The following OTUD7A variants were observed in gnomAD, a reference collection of about 807,000 sequenced individuals.
The protein encoded by OTUD7A is OTU domain-containing protein 7A.
A neutral mutation model predicts 65.7 loss-of-function variants in OTUD7A; 12 were observed. That is an observed-to-expected ratio of 0.18 (90% CI 0.12 to 0.30). The LOEUF is 0.30. Ranked by LOEUF, OTUD7A falls within the 10% of genes least tolerant of loss-of-function variation. OTUD7A has a pLI of 1.00. For synonymous variants in OTUD7A, 641 were observed against 586.3 expected, an observed-to-expected ratio of 1.09 and a Z score of -1.35; for missense variants, 1,148 against 1,304.8, an observed-to-expected ratio of 0.88 and a Z score of 1.85.
chr15:31,664,063 C>T (rs1566966325), intron 1 of OTUD7A, among the ~76,000 whole-genome samples: 2 of 152,100 alleles, frequency 1.3e-5, no homozygotes, highest in South Asian at 4.1e-4. Flanking sequence ...TTTCTTTATC[C>T]ACTCATTGAT....
intron 1 of OTUD7A, among the ~76,000 whole-genome samples, chr15:31,798,357 CAA>C (rs1369139120): frequency 6.6e-6 from 1 of 152,150 alleles, no homozygotes; most frequent in African/African-American, 2.4e-5. Context: ...ATCTTTCACT[CAA>C]GTGTTTGTGG....
Position 31,503,708 on chromosome 15 carries a change from C to T in OTUD7A, c.1004G>A (p.Arg335Lys), listed in dbSNP as rs749306226. The change falls in exon 9 of 13, where the codon AGA (arginine) becomes AAA (lysine). Residue 335 changes from arginine to lysine, a missense_variant. By Grantham distance (26) the Arg-to-Lys change is conservative. This residue lies in a region of OTUD7A where 58 missense variants were observed against 131.4 expected (regional missense o/e 0.44). Transcript: ENST00000307050. Reference sequence around the variant, plus strand: ...GAACTTACCTTCTCCACCTGAGTCTCTTAACATTGTATCTGCCACAACAAC... The same window carrying T: ...GAACTTACCTTCTCCACCTGAGTCTTTTAACATTGTATCTGCCACAACAAC... Reference protein sequence around the residue: ...PIVVVADTMLRDSGGEAFAPI... With the variant: ...PIVVVADTMLKDSGGEAFAPI... The T allele has an allele frequency of 1.2e-6, 2 of 1,614,200 alleles. No homozygotes were observed. Among genetic ancestry groups the T allele is most frequent in the Non-Finnish European group, 1.7e-6 (2 of 1,180,030 alleles).
chr15:31,489,494 C>T (rs1255527232), intron 10 of OTUD7A, among the ~76,000 whole-genome samples: 7 of 152,136 alleles, frequency 4.6e-5, no homozygotes, highest in Non-Finnish European at 1.0e-4. Context: ...GTCTTAGCCA[C>T]CCCGGCCCCA....
At chr15:31,765,925 T>C in intron 1 of OTUD7A, 3 of 1,298,394 alleles carry the variant, frequency 2.3e-6, no homozygotes, top group South Asian at 2.4e-5. Context: ...GGTAAAGTCC[T>C]GTTTTTAACA....
intron 3 of OTUD7A, among the ~76,000 whole-genome samples, chr15:31,628,940 T>C (rs1891051629): frequency 6.6e-6 from 1 of 152,234 alleles, no homozygotes; most frequent in Non-Finnish European, 1.5e-5. Context: ...ACACATTGAT[T>C]TTGTATCCTG....
intron 3 of OTUD7A, among the ~76,000 whole-genome samples, chr15:31,572,941 G>A (rs28413613): frequency 0.33 from 49,287 of 151,044 alleles, 10,394 homozygotes; most frequent in African/African-American, 0.61. Flanking sequence ...TAAAAAACCT[G>A]AAATAATGGA....
intron 1 of OTUD7A, among the ~76,000 whole-genome samples, chr15:31,807,375 G>A (rs1896298802): frequency 6.6e-6 from 1 of 152,174 alleles, no homozygotes; most frequent in Admixed American, 6.5e-5. Context: ...GTGAGTGCAT[G>A]AGTTACAAGT....
chr15:31,847,476 T>A (rs1378525063), intron 1 of OTUD7A, among the ~76,000 whole-genome samples: 1 of 152,146 alleles, frequency 6.6e-6, no homozygotes, highest in African/African-American at 2.4e-5. Flanking sequence ...TGGTAATACA[T>A]ACTTTACTCC....
chr15:31,594,985 G>A (rs1258008695), intron 3 of OTUD7A, among the ~76,000 whole-genome samples: 1 of 152,194 alleles, frequency 6.6e-6, no homozygotes, highest in Non-Finnish European at 1.5e-5. Flanking sequence ...AGAGATTCAG[G>A]GGGCACCTAC....
chr15:31,801,853 A>G (rs1000042641), intron 1 of OTUD7A, among the ~76,000 whole-genome samples: 1 of 152,078 alleles, frequency 6.6e-6, no homozygotes, highest in Non-Finnish European at 1.5e-5. Flanking sequence ...TATGTTTTTT[A>G]TTTATATATT....
At chr15:31,770,198 G>A (rs2140912506) in intron 1 of OTUD7A, among the ~76,000 whole-genome samples, 1 of 152,214 alleles carries the variant, frequency 6.6e-6, no homozygotes, top group East Asian at 1.9e-4. Context: ...ATTCAAGAGA[G>A]TACAGAAATC....
At chr15:31,642,629 T>C in intron 3 of OTUD7A, among the ~76,000 whole-genome samples, 1 of 152,236 alleles carries the variant, frequency 6.6e-6, no homozygotes. Context: ...TTTGTACCTT[T>C]CAAATAATTT....
chr15:31,838,999 C>T (rs1897122792), intron 1 of OTUD7A, among the ~76,000 whole-genome samples: 1 of 152,182 alleles, frequency 6.6e-6, no homozygotes, highest in Non-Finnish European at 1.5e-5. Context: ...AGACAGATAG[C>T]TGGGTTGGGG....
intron 1 of OTUD7A, among the ~76,000 whole-genome samples, chr15:31,852,432 A>G (rs1172152306): frequency 3.9e-5 from 6 of 152,236 alleles, no homozygotes; most frequent in Non-Finnish European, 8.8e-5. Context: ...TTGTTAACAT[A>G]TAACTATTTT....
At position 31,654,998 on chromosome 15, in the gene OTUD7A, G is replaced by A. The variant is rs1208361708; in HGVS notation, c.151+98C>T. 5 of 1,415,422 alleles carry A rather than the reference G, an allele frequency of 3.5e-6. No individual in the cohort carries two copies. In the African/African-American group the frequency reaches 5.8e-5, roughly 16 times the overall value. 87.7% of individuals were successfully genotyped at this position (1,415,422 alleles called of 1,614,324 possible). A position where few individuals can be genotyped will look rare whatever the true frequency, so the allele number is the denominator to read the frequency against. On this transcript the variant is annotated intron_variant, in intron 3 of 12. Coordinates refer to ENST00000307050, the MANE Select transcript of OTUD7A (RefSeq NM_001382637.1). ...TGTAACACAAAGCAAAGCCCACTTA[G>A]TGCTCAAGTACCACTGTCATCAGGT...
chr15:31,635,766 C>T (rs1260714573), intron 3 of OTUD7A, among the ~76,000 whole-genome samples: 1 of 152,254 alleles, frequency 6.6e-6, no homozygotes, highest in African/African-American at 2.4e-5. Context: ...TGAAAACTGT[C>T]TTGTTAATTC....
chr15:31,606,194 CT>C (rs1890234144), intron 3 of OTUD7A, among the ~76,000 whole-genome samples: 1 of 152,192 alleles, frequency 6.6e-6, no homozygotes, highest in Admixed American at 6.5e-5. Context: ...ACATAAACAA[CT>C]CTTGCTAGAT....
At position 31,860,622 on chromosome 15, in the gene OTUD7A, G is replaced by GATAAAT. The variant is rs59869625; in HGVS notation, c.-100+9884_-100+9885insATTTAT. On this transcript the variant is annotated intron_variant, in intron 1 of 12. Coordinates refer to ENST00000307050, the MANE Select transcript of OTUD7A (RefSeq NM_001382637.1). ...TATTCTCCTCGACCCCAGAAGTGGA[G>GATAAAT]ATATATATATATATATATATATGTA... Among the ~76,000 whole-genome samples, 41 of 26,860 alleles carry GATAAAT rather than the reference G, an allele frequency of 1.5e-3. 5 individuals carry two copies. The South Asian group carries it at 0.038, about 25-fold the overall frequency. The allele number at this position is 26,860 out of a possible 152,430, so 17.6% of individuals were successfully genotyped here.
At chr15:31,856,733 G>A (rs28496016) in intron 1 of OTUD7A, among the ~76,000 whole-genome samples, 1 of 152,176 alleles carries the variant, frequency 6.6e-6, no homozygotes, top group Non-Finnish European at 1.5e-5. Flanking sequence ...AAGTGATGAC[G>A]CACAGCGGAC....
Sources: allele counts gnomAD v4.1 joint callset (sites outside exome capture counted in the v4.1 genomes callset), GRCh38; gene constraint gnomAD v4.1.1; regional missense constraint gnomAD v4.1.1; transcripts MANE v1.5; gene names NCBI Gene and HGNC (gene_info 2026-07-23, HGNC 2026-07-21).